Variants in DYNC1I1 observed in about 807,000 individuals in gnomAD.
DYNC1I1 encodes dynein cytoplasmic 1 intermediate chain 1, also known as cytoplasmic dynein 1 intermediate chain 1.
DYNC1I1 carries 43 observed loss-of-function variants against 86.6 expected under a neutral mutation model. That is an observed-to-expected ratio of 0.50 (90% confidence interval 0.39 to 0.64). The LOEUF is 0.64. Ranked by LOEUF, DYNC1I1 falls within the 30% of genes least tolerant of loss-of-function variation. The pLI, the probability that DYNC1I1 is intolerant of heterozygous loss-of-function variation, is 0.00. For synonymous variants in DYNC1I1, 262 were observed against 283.7 expected (o/e 0.92, Z 0.77); for missense variants, 604 against 788.8 (o/e 0.77, Z 2.81).
intron 7 of DYNC1I1, among the ~76,000 whole-genome samples, chr7:95,984,539 A>G (rs183068135): frequency 1.8e-4 from 27 of 152,284 alleles, no homozygotes; most frequent in Admixed American, 1.6e-3. Context: ...ACTGATTGCT[A>G]AAAACACACC....
At chr7:95,896,690 C>A (rs1015515764) in intron 6 of DYNC1I1, among the ~76,000 whole-genome samples, 1 of 152,140 alleles carries the variant, frequency 6.6e-6, no homozygotes, top group African/African-American at 2.4e-5. Context: ...AAATCAGAAA[C>A]CAAGTTGCTT....
intron 14 of DYNC1I1, among the ~76,000 whole-genome samples, chr7:96,048,006 G>C (rs376305858): frequency 1.3e-5 from 2 of 152,124 alleles, no homozygotes; most frequent in East Asian, 3.9e-4. Flanking sequence ...TAGCTACATG[G>C]AAGTGGAGGG....
intron 10 of DYNC1I1, among the ~76,000 whole-genome samples, chr7:96,023,905 C>T (rs552420575): frequency 6.6e-6 from 1 of 152,148 alleles, no homozygotes; most frequent in African/African-American, 2.4e-5. Flanking sequence ...AATATAGTCT[C>T]AAAATTTTGC....
chr7:95,859,230 T>C (rs1270747169), intron 5 of DYNC1I1, among the ~76,000 whole-genome samples: 2 of 151,930 alleles, frequency 1.3e-5, no homozygotes, highest in African/African-American at 4.8e-5. Context: ...TTTCATTGAA[T>C]TGTTTCTCTG....
chr7:95,838,315 T>C (rs1442593397), intron 5 of DYNC1I1, among the ~76,000 whole-genome samples: 1 of 152,214 alleles, frequency 6.6e-6, no homozygotes, highest in East Asian at 1.9e-4. Context: ...TTCCATTTTG[T>C]ATTCTTGTCT....
chr7:95,826,672 A>G (rs559071071), intron 4 of DYNC1I1, among the ~76,000 whole-genome samples: 19 of 152,326 alleles, frequency 1.2e-4, no homozygotes, highest in African/African-American at 4.1e-4. Flanking sequence ...GATGAGTGCT[A>G]TGAAGGAAAT....
intron 6 of DYNC1I1, among the ~76,000 whole-genome samples, chr7:95,925,560 A>G (rs1791721725): frequency 1.3e-5 from 2 of 152,210 alleles, no homozygotes; most frequent in South Asian, 2.1e-4. Context: ...ATGGCTTTGA[A>G]TGTTGCGGGC....
intron 14 of DYNC1I1, among the ~76,000 whole-genome samples, chr7:96,050,891 A>T (rs571662778): frequency 1.3e-4 from 20 of 152,090 alleles, no homozygotes; most frequent in African/African-American, 4.3e-4. Context: ...ATGATCCTTT[A>T]AAAAAAAGTA....
At chr7:95,995,824 A>G (rs1793853224) in intron 9 of DYNC1I1, 124 bp from the exon 10 acceptor site, 1 of 1,346,510 alleles carries the variant, frequency 7.4e-7, no homozygotes, top group African/African-American at 1.5e-5. Flanking sequence ...GATAGTAGGT[A>G]TGCCACAACA....
rs1200565745 is a variant in DYNC1I1, at chr7:96,092,824, T to C, written c.1777-4659T>C. On this transcript the variant is annotated intron_variant, in intron 16 of 16. Coordinates refer to ENST00000447467, the MANE Select transcript of DYNC1I1 (RefSeq NM_001135556.2). Reference sequence around the variant, plus strand: ...TGCTTTTGCTTGTAGACTTTTTGTCTTCCAAGAATCTTAGAAGATTTAAAA... The same window carrying C: ...TGCTTTTGCTTGTAGACTTTTTGTCCTCCAAGAATCTTAGAAGATTTAAAA... Among the ~76,000 whole-genome samples the C allele has an allele frequency of 2.6e-5, 4 of 152,200 alleles. No individual in the cohort carries two copies. The South Asian group carries it at 6.2e-4, about 24-fold the overall frequency.
intron 1 of DYNC1I1, among the ~76,000 whole-genome samples, chr7:95,794,077 G>A (rs1010639974): frequency 1.3e-5 from 2 of 152,162 alleles, no homozygotes; most frequent in Non-Finnish European, 2.9e-5. Context: ...CTAAGTATAC[G>A]ATTTATCTTT....
intron 15 of DYNC1I1, among the ~76,000 whole-genome samples, chr7:96,079,826 A>G (rs1031248939): frequency 6.6e-6 from 1 of 151,992 alleles, no homozygotes; most frequent in African/African-American, 2.4e-5. Context: ...TTTTATCTTT[A>G]TGTTTTCCTT....
intron 6 of DYNC1I1, among the ~76,000 whole-genome samples, chr7:95,888,828 C>T (rs1790664142): frequency 6.6e-6 from 1 of 152,164 alleles, no homozygotes; most frequent in Admixed American, 6.6e-5. Flanking sequence ...AGAAAAGCGT[C>T]TGTCTTCTCA....
At chr7:96,032,842 A>G in intron 12 of DYNC1I1, 62 bp downstream of exon 12, 1 of 1,416,724 alleles carries the variant, frequency 7.1e-7, no homozygotes, top group Non-Finnish European at 9.9e-7. Context: ...TACTTAATGG[A>G]ACATAGTTCC....
intron 10 of DYNC1I1, among the ~76,000 whole-genome samples, chr7:96,011,110 G>A (rs767770909): frequency 3.9e-5 from 6 of 152,078 alleles, no homozygotes; most frequent in Non-Finnish European, 8.8e-5. Flanking sequence ...TTGACCTGAC[G>A]AATGTAAACA....
intron 16 of DYNC1I1, 107 bp from the exon 17 acceptor site, chr7:96,097,376 C>A: frequency 8.3e-7 from 1 of 1,200,632 alleles, no homozygotes; most frequent in Non-Finnish European, 1.2e-6. Flanking sequence ...CCAAGGGAAA[C>A]ATCTGCTTTG....
At chr7:95,931,207 G>A (rs566469647) in intron 6 of DYNC1I1, among the ~76,000 whole-genome samples, 11 of 151,620 alleles carry the variant, frequency 7.3e-5, no homozygotes, top group East Asian at 5.8e-4. Flanking sequence ...GTGCAGTGGC[G>A]CAATCTCGGC....
intron 6 of DYNC1I1, among the ~76,000 whole-genome samples, chr7:95,932,877 T>A (rs1791936022): frequency 8.2e-6 from 1 of 121,232 alleles, no homozygotes; most frequent in African/African-American, 2.8e-5. Flanking sequence ...ATTTATTTTT[T>A]AATTTTTTTT....
At chr7:95,850,387 C>T (rs1789544840) in intron 5 of DYNC1I1, among the ~76,000 whole-genome samples, 1 of 151,994 alleles carries the variant, frequency 6.6e-6, no homozygotes, top group Non-Finnish European at 1.5e-5. Context: ...CCTTCTATAC[C>T]TAATTTATTG....
Sources: allele counts gnomAD v4.1 joint callset (sites outside exome capture counted in the v4.1 genomes callset), GRCh38; gene constraint gnomAD v4.1.1; transcripts MANE v1.5; gene names NCBI Gene and HGNC (gene_info 2026-07-23, HGNC 2026-07-21).